Variants in KCNIP1 observed in about 807,000 individuals in gnomAD.
KCNIP1 encodes potassium voltage-gated channel interacting protein 1.
KCNIP1 carries 18 observed loss-of-function variants against 33.0 expected under a neutral mutation model. That is an observed-to-expected ratio of 0.55 (90% CI 0.38 to 0.81). The LOEUF is 0.81. Ranked by LOEUF, KCNIP1 falls within the 30% of genes least tolerant of loss-of-function variation. The pLI is 0.00. For synonymous variants in KCNIP1, 93 were observed against 98.3 expected, an observed-to-expected ratio of 0.95 and a Z score of 0.32; for missense variants, 238 against 271.6, an observed-to-expected ratio of 0.88 and a Z score of 0.87.
At chr5:170,547,487 G>T (rs564005836) in intron 1 of KCNIP1, among the ~76,000 whole-genome samples, 3 of 152,212 alleles carry the variant, frequency 2.0e-5, no homozygotes, top group African/African-American at 7.2e-5. Flanking sequence ...CACATATTAA[G>T]CTTAGTATCC....
chr5:170,510,969 G>A (rs1159254019), intron 1 of KCNIP1, among the ~76,000 whole-genome samples: 2 of 152,180 alleles, frequency 1.3e-5, no homozygotes, highest in Non-Finnish European at 2.9e-5. Flanking sequence ...CCAGCAGTTT[G>A]GAAGGTCAAG....
At chr5:170,429,975 A>G (rs1755704308) in intron 1 of KCNIP1, among the ~76,000 whole-genome samples, 1 of 152,170 alleles carries the variant, frequency 6.6e-6, no homozygotes, top group African/African-American at 2.4e-5. Context: ...CCTGACCTTG[A>G]TCTCAGGTTT....
At chr5:170,368,771 G>A (rs1400651500) in intron 1 of KCNIP1, among the ~76,000 whole-genome samples, 1 of 152,132 alleles carries the variant, frequency 6.6e-6, no homozygotes, top group Non-Finnish European at 1.5e-5. Flanking sequence ...ACCAGATTTG[G>A]CACTCCCAGC....
chr5:170,365,130 G>A (rs1371790221), intron 1 of KCNIP1, among the ~76,000 whole-genome samples: 1 of 152,106 alleles, frequency 6.6e-6, no homozygotes, highest in Non-Finnish European at 1.5e-5. Context: ...CCAGCACCTG[G>A]TGCAGGGCCT....
At chr5:170,389,427 A>G (rs1764623083) in intron 1 of KCNIP1, 1 of 152,018 alleles carries the variant, frequency 6.6e-6, no homozygotes, top group African/African-American at 2.4e-5. Context: ...TCCATGCCCA[A>G]ACATGGTCAA....
intron 1 of KCNIP1, among the ~76,000 whole-genome samples, chr5:170,562,195 A>G (rs1757055135): frequency 6.6e-6 from 1 of 152,260 alleles, no homozygotes; most frequent in Non-Finnish European, 1.5e-5. Context: ...GAAGTCAAAT[A>G]GAGCTGAGAC....
At chr5:170,581,123 C>T (rs1757779856) in intron 1 of KCNIP1, among the ~76,000 whole-genome samples, 1 of 152,208 alleles carries the variant, frequency 6.6e-6, no homozygotes, top group Non-Finnish European at 1.5e-5. Flanking sequence ...TCTTCTTAGC[C>T]TGGGATGCAA....
In KCNIP1 at chr5:170,735,832, T is replaced by G. The variant is rs765305381; in HGVS notation, c.*26T>G. ...CTGGTGACACTCAGCCATTCAGCTCTCAGAGACATTGTACTAAACAACCAC... is the reference window on the plus strand; with the variant it reads ...CTGGTGACACTCAGCCATTCAGCTCGCAGAGACATTGTACTAAACAACCAC... On this transcript the variant is annotated 3_prime_UTR_variant, in exon 8 of 8. Coordinates refer to ENST00000328939, the MANE Select transcript of KCNIP1 (RefSeq NM_014592.4). 2 of 1,605,768 alleles carry G rather than the reference T, an allele frequency of 1.2e-6. No individual in the cohort carries two copies. The highest frequency in any genetic ancestry group is 2.7e-5 in the African/African-American group (2 of 74,762).
At chr5:170,711,443 C>T (rs1340596684) in intron 1 of KCNIP1, among the ~76,000 whole-genome samples, 1 of 152,216 alleles carries the variant, frequency 6.6e-6, no homozygotes, top group African/African-American at 2.4e-5. Context: ...CCAAAGCATT[C>T]AGGGTAGTGA....
intron 1 of KCNIP1, among the ~76,000 whole-genome samples, chr5:170,668,366 A>T (rs1337230172): frequency 6.6e-6 from 1 of 152,188 alleles, no homozygotes; most frequent in Admixed American, 6.5e-5. Context: ...GGACAAAGGA[A>T]TTACCACCAG....
At chr5:170,678,250 C>T (rs1762215738) in intron 1 of KCNIP1, among the ~76,000 whole-genome samples, 1 of 152,230 alleles carries the variant, frequency 6.6e-6, no homozygotes, top group Non-Finnish European at 1.5e-5. Context: ...GAGGACAGCA[C>T]AGACTTTGGA....
intron 1 of KCNIP1, among the ~76,000 whole-genome samples, chr5:170,587,846 G>A (rs995587470): frequency 1.3e-5 from 2 of 152,208 alleles, no homozygotes; most frequent in Non-Finnish European, 2.9e-5. Context: ...TGGGGATTAG[G>A]ACATGCATCC....
At chr5:170,428,392 T>C (rs1350043957) in intron 1 of KCNIP1, among the ~76,000 whole-genome samples, 2 of 151,600 alleles carry the variant, frequency 1.3e-5, no homozygotes, top group African/African-American at 4.8e-5. Context: ...TACTCACCCA[T>C]GCTTTGGAGC....
At chr5:170,589,146 T>C (rs1013537428) in intron 1 of KCNIP1, among the ~76,000 whole-genome samples, 1 of 152,002 alleles carries the variant, frequency 6.6e-6, no homozygotes, top group South Asian at 2.1e-4. Flanking sequence ...CTACAGGTGC[T>C]GCCACCATAC....
At chr5:170,633,714 G>GGGGGGC (rs1760159598) in intron 1 of KCNIP1, among the ~76,000 whole-genome samples, 1 of 22,528 alleles carries the variant, frequency 4.4e-5, no homozygotes, top group Non-Finnish European at 8.7e-5. Flanking sequence ...GCGAGGGGGC[G>GGGGGGC]GGGGGGCGGA....
At chr5:170,501,096 G>A (rs1237815461), upstream of KCNIP1, among the ~76,000 whole-genome samples, 2 of 152,186 alleles carry the variant, frequency 1.3e-5, no homozygotes, top group Non-Finnish European at 2.9e-5. Flanking sequence ...CAGTCCAGAG[G>A]GAGAGACAGG....
At chr5:170,610,621 C>T (rs1759108433) in intron 1 of KCNIP1, among the ~76,000 whole-genome samples, 2 of 152,292 alleles carry the variant, frequency 1.3e-5, no homozygotes, top group South Asian at 4.2e-4. Context: ...TGGCCAATTC[C>T]CTTAATTCCC....
chr5:170,728,336 G>A (rs1238364762), intron 5 of KCNIP1, among the ~76,000 whole-genome samples: 2 of 152,188 alleles, frequency 1.3e-5, no homozygotes, highest in Non-Finnish European at 2.9e-5. Flanking sequence ...TTTCCTGAAA[G>A]CTCTTCAAAC....
At chr5:170,557,505 C>T (rs1329280754) in intron 1 of KCNIP1, among the ~76,000 whole-genome samples, 1 of 152,122 alleles carries the variant, frequency 6.6e-6, no homozygotes, top group Non-Finnish European at 1.5e-5. Context: ...CTGCTGTGTC[C>T]CAAGCTCTGT....
Sources: allele counts gnomAD v4.1 joint callset (sites outside exome capture counted in the v4.1 genomes callset), GRCh38; gene constraint gnomAD v4.1.1; transcripts MANE v1.5; gene names NCBI Gene and HGNC (gene_info 2026-07-23, HGNC 2026-07-21).